USP53: variants seen among roughly 807,000 people sequenced by gnomAD.
USP53 encodes the protein ubiquitin specific peptidase 53.
In USP53, 71 loss-of-function variants were observed where a neutral mutation model predicts 94.9. That is an observed-to-expected ratio of 0.75 (90% CI 0.62 to 0.91). The LOEUF (loss-of-function observed/expected upper bound fraction) is 0.91. Among genes scored for constraint, USP53 ranks in the 40% least tolerant of loss-of-function variants. The pLI, the probability that USP53 is intolerant of heterozygous loss-of-function variation, is 0.00. For missense variants in USP53, 1,173 were observed against 1,281.0 expected (o/e 0.92, Z 1.29); for synonymous variants, 375 against 422.7 (o/e 0.89, Z 1.39).
chr4:119,263,850 T>TC (rs1750797683), intron 12 of USP53, among the ~76,000 whole-genome samples: 1 of 152,028 alleles, frequency 6.6e-6, no homozygotes, highest in Non-Finnish European at 1.5e-5. Context: ...AGTGGGCAGA[T>TC]CACGAGGTCA....
intron 6 of USP53, among the ~76,000 whole-genome samples, chr4:119,248,224 C>T (rs1272808729): frequency 6.6e-6 from 1 of 151,888 alleles, no homozygotes; most frequent in Non-Finnish European, 1.5e-5. Context: ...ATGATGTTTC[C>T]AGTTTCTTAA....
chr4:119,238,448 G>C (rs971266260), intron 4 of USP53, among the ~76,000 whole-genome samples: 1 of 152,008 alleles, frequency 6.6e-6, no homozygotes, highest in Non-Finnish European at 1.5e-5. Flanking sequence ...ATATGGGAGT[G>C]GTTCATATTG....
chr4:119,216,568 T>C (rs542752956), intron 2 of USP53, among the ~76,000 whole-genome samples: 3 of 152,326 alleles, frequency 2.0e-5, no homozygotes, highest in African/African-American at 7.2e-5. Context: ...GTTTTGTAAA[T>C]GAATATTTAC....
intron 10 of USP53, 93 bp from the exon 11 acceptor site, chr4:119,260,414 A>T: frequency 1.9e-6 from 2 of 1,050,006 alleles, no homozygotes; most frequent in East Asian, 2.7e-5. Flanking sequence ...AATTGCAGAT[A>T]TGTGTTAAAA....
chr4:119,231,235 C>T (rs1221097202), intron 3 of USP53, among the ~76,000 whole-genome samples: 1 of 152,122 alleles, frequency 6.6e-6, no homozygotes, highest in Admixed American at 6.5e-5. Flanking sequence ...ACAGCGAACA[C>T]CCTGTAGCAA....
chr4:119,212,754 T>C lies in USP53; in HGVS notation c.-1061T>C, dbSNP rs543500078. 677 of 318,232 alleles carry C rather than the reference T, an allele frequency of 2.1e-3. 1 individual carries two copies. The highest frequency in any genetic ancestry group is 3.8e-3 in the Non-Finnish European group (597 of 157,714). The allele number at this position is 318,232 out of a possible 1,614,324, so 19.7% of individuals were successfully genotyped here. A position where few individuals can be genotyped will look rare whatever the true frequency, so the allele number is the denominator to read the frequency against. ...CGGTACTGTGGCAGCAGTCAGTGTG[T>C]CTGGCGGGTGTCGGCGTGAAGCGGG... On this transcript the variant is annotated 5_prime_UTR_variant, in exon 1 of 19. Transcript: ENST00000692078.
Position 119,281,981 on chromosome 4 carries a change from C to A in USP53, c.2251+8273C>A, listed in dbSNP as rs548816507. Among the ~76,000 whole-genome samples, 6 of 152,218 alleles carry A rather than the reference C, an allele frequency of 3.9e-5. No individual in the cohort carries two copies. In the East Asian group the frequency reaches 1.2e-3, roughly 29 times the overall value. The stretch of plus-strand genomic sequence containing the variant: ...ATTAAACAGCTCCCCATTCTCCCCT[C>A]CTCCCAGCCCTTGGCAATCACCATT... On this transcript the variant is annotated intron_variant, in intron 17 of 18. Coordinates refer to ENST00000692078, the MANE Select transcript of USP53 (RefSeq NM_001371395.1).
Position 119,259,902 on chromosome 4 carries a change from A to T in USP53, c.652A>T (p.Thr218Ser). The change falls in exon 10 of 19, where the codon ACA becomes TCA. Residue 218 changes from threonine to serine, a missense_variant. Physicochemically the swap from Thr to Ser is moderately conservative, Grantham distance 58 (BLOSUM62 1). Transcript: ENST00000692078. ...FAELLQAANT[T>S]DDYRKCPSNC... ...AGAATTGCTACAAGCAGCAAATACA[A>T]CAGATGACTATAGGAAATGTCCTGT... The T allele has an allele frequency of 6.2e-7, 1 of 1,611,276 alleles. No homozygotes were observed. Among genetic ancestry groups the T allele is most frequent in the Non-Finnish European group, 8.5e-7 (1 of 1,178,582 alleles).
chr4:119,214,267 T>G (rs1743387280), intron 2 of USP53, 45 bp downstream of exon 2: 1 of 152,202 alleles, frequency 6.6e-6, no homozygotes, highest in African/African-American at 2.4e-5. Context: ...GTTTTTGTTT[T>G]GTATCTCAAA....
At chr4:119,233,440 T>C (rs1422195620) in intron 3 of USP53, among the ~76,000 whole-genome samples, 4 of 152,264 alleles carry the variant, frequency 2.6e-5, no homozygotes, top group African/African-American at 9.6e-5. Context: ...TCTAGAGATA[T>C]TTATTTATTT....
chr4:119,227,256 T>TACACACACACAC (rs3138727), intron 3 of USP53, among the ~76,000 whole-genome samples: 4,719 of 124,960 alleles, frequency 0.038, 150 homozygotes, highest in African/African-American at 0.042. Flanking sequence ...TGTCTAACAC[T>TACACACACACAC]ACACACACAC....
intron 14 of USP53, among the ~76,000 whole-genome samples, chr4:119,269,441 G>T (rs1751575318): frequency 6.6e-6 from 1 of 152,082 alleles, no homozygotes; most frequent in South Asian, 2.1e-4. Context: ...TTATTTTAAT[G>T]GCAGATCTCT....
In USP53 at chr4:119,261,908, A is replaced by G. The variant is rs1470778840; in HGVS notation, c.972+44A>G. 7.3e-6 allele frequency: 10 copies of G among 1,376,310 alleles called. No individual in the cohort carries two copies. The African/African-American group carries it at 1.5e-4, about 20-fold the overall frequency. The allele number at this position is 1,376,310 out of a possible 1,614,324, so 85.3% of individuals were successfully genotyped here. ...AATTGAAATAATTACTGTGATTTTT[A>G]CTTTTTGTTAATAAATGATATATTG... On this transcript the variant is annotated intron_variant, in intron 12 of 18. Transcript: ENST00000692078.
chr4:119,221,210 A>T (rs574413638), intron 3 of USP53: 1 of 152,314 alleles, frequency 6.6e-6, no homozygotes, highest in Non-Finnish European at 1.5e-5. Context: ...CTGTATCTGA[A>T]AATATCAAAT....
intron 3 of USP53, chr4:119,218,437 G>A (rs1298861033): frequency 1.3e-5 from 2 of 152,156 alleles, no homozygotes; most frequent in Non-Finnish European, 2.9e-5. Context: ...CTAGTGAATA[G>A]GTAAAAGCAA....
At chr4:119,284,308 A>G (rs545453277) in intron 17 of USP53, among the ~76,000 whole-genome samples, 6 of 151,720 alleles carry the variant, frequency 4.0e-5, no homozygotes, top group Non-Finnish European at 7.4e-5. Context: ...AAAAAACCCT[A>G]TTATTAAAAT....
intron 17 of USP53, among the ~76,000 whole-genome samples, chr4:119,275,908 T>G (rs959051587): frequency 4.0e-5 from 6 of 150,954 alleles, no homozygotes; most frequent in African/African-American, 1.5e-4. Flanking sequence ...TTGTCTGTTG[T>G]TGGTGTATAA....
At chr4:119,261,437 A>G (rs1351306622) in intron 11 of USP53, among the ~76,000 whole-genome samples, 1 of 152,234 alleles carries the variant, frequency 6.6e-6, no homozygotes, top group African/African-American at 2.4e-5. Flanking sequence ...TTCTTTATGA[A>G]AAGTGTCAGT....
At chr4:119,287,531 C>T (rs561226120) in intron 17 of USP53, among the ~76,000 whole-genome samples, 7 of 152,170 alleles carry the variant, frequency 4.6e-5, no homozygotes, top group Non-Finnish European at 8.8e-5. Context: ...AAAATCACTG[C>T]TTTAATAACT....
Sources: gnomAD v4.1 joint callset for allele counts (sites outside exome capture counted in the v4.1 genomes callset) on GRCh38, gnomAD v4.1.1 for gene constraint, MANE v1.5 for transcripts, NCBI Gene and HGNC (gene_info 2026-07-23, HGNC 2026-07-21) for gene names.